The following MLLT10 variants were observed in gnomAD, a reference collection of about 807,000 sequenced individuals.
MLLT10 encodes MLLT10 histone lysine methyltransferase DOT1L cofactor, also known as protein AF-10.
MLLT10 carries 30 observed loss-of-function variants against 129.1 expected under a neutral mutation model. The observed-to-expected ratio is 0.23, with a 90% CI of 0.17 to 0.32. The LOEUF (loss-of-function observed/expected upper bound fraction) is 0.32. MLLT10 is among the 10% of genes least tolerant of loss of function. The pLI is 1.00. For missense variants in MLLT10, 1,119 were observed against 1,268.3 expected (o/e 0.88, Z 1.79); for synonymous variants, 490 against 446.4 (o/e 1.10, Z -1.23).
At chr10:21,726,681 CTTTTTTTTTTT>C (rs35036202) in intron 15 of MLLT10, among the ~76,000 whole-genome samples, 7 of 87,588 alleles carry the variant, frequency 8.0e-5, no homozygotes, top group South Asian at 5.0e-4. Flanking sequence ...TAGCAATGTC[CTTTTTTTTTTT>C]TTTTTTTTTT....
At chr10:21,718,825 G>GT (rs1258859750) in intron 14 of MLLT10, among the ~76,000 whole-genome samples, 1 of 152,192 alleles carries the variant, frequency 6.6e-6, no homozygotes, top group Non-Finnish European at 1.5e-5. Flanking sequence ...CCAGGTTCAA[G>GT]TGATTCTCCT....
At chr10:21,682,298 C>T in intron 13 of MLLT10, 41 bp downstream of exon 13, 1 of 1,570,990 alleles carries the variant, frequency 6.4e-7, no homozygotes, top group Non-Finnish European at 8.7e-7. Context: ...TCGTTTATCA[C>T]AAAGGTTGCC....
chr10:21,559,359 T>C (rs2038497525), intron 3 of MLLT10, among the ~76,000 whole-genome samples: 2 of 152,246 alleles, frequency 1.3e-5, no homozygotes. Flanking sequence ...ATTACAGGCA[T>C]GAGCCACTGC....
intron 3 of MLLT10, among the ~76,000 whole-genome samples, chr10:21,562,973 C>T (rs2039056120): frequency 1.3e-5 from 2 of 151,842 alleles, no homozygotes; most frequent in African/African-American, 4.8e-5. Flanking sequence ...GCATGTGCCA[C>T]CACACCTGGC....
At chr10:21,608,873 C>G (rs1186624460) in intron 5 of MLLT10, among the ~76,000 whole-genome samples, 1 of 152,142 alleles carries the variant, frequency 6.6e-6, no homozygotes, top group Non-Finnish European at 1.5e-5. Flanking sequence ...TGGGTACTCT[C>G]AAAGACAGTT....
chr10:21,631,487 C>T (rs888476561), intron 8 of MLLT10, among the ~76,000 whole-genome samples: 10 of 150,508 alleles, frequency 6.6e-5, no homozygotes, highest in Non-Finnish European at 1.0e-4. Flanking sequence ...CTGTATTAGT[C>T]CATTCTCACA....
chr10:21,596,719 AT>A (rs1409986902), intron 5 of MLLT10, among the ~76,000 whole-genome samples: 3 of 151,506 alleles, frequency 2.0e-5, no homozygotes, highest in African/African-American at 7.3e-5. Context: ...TTTGAAGATT[AT>A]TCATGTATGT....
intron 3 of MLLT10, 30 bp downstream of exon 3, chr10:21,538,942 T>G: frequency 6.5e-7 from 1 of 1,527,692 alleles, no homozygotes; most frequent in Non-Finnish European, 9.1e-7. Context: ...AACATTAAAC[T>G]TTAGTGAGTA....
At chr10:21,624,797 A>T in intron 8 of MLLT10, 2 of 1,080,084 alleles carry the variant, frequency 1.9e-6, no homozygotes, top group Non-Finnish European at 2.8e-6. Context: ...TTGTCCCCTG[A>T]TTGCCCTGAG....
chr10:21,733,163 A>G (rs911479981), intron 18 of MLLT10, 76 bp downstream of exon 18: 2 of 1,377,028 alleles, frequency 1.5e-6, no homozygotes, highest in South Asian at 1.5e-5. Flanking sequence ...GTGAGTAATA[A>G]TTGGTCACCA....
At chr10:21,732,477 C>T (rs2058050880) in intron 17 of MLLT10, among the ~76,000 whole-genome samples, 2 of 152,136 alleles carry the variant, frequency 1.3e-5, no homozygotes, top group Non-Finnish European at 2.9e-5. Flanking sequence ...AACATGTGCT[C>T]ATTATTTTGG....
chr10:21,718,269 T>C (rs949182473), intron 14 of MLLT10, among the ~76,000 whole-genome samples: 4 of 152,226 alleles, frequency 2.6e-5, no homozygotes, highest in Admixed American at 1.3e-4. Flanking sequence ...ACTAGTATAT[T>C]AGTAATAGAG....
At chr10:21,595,957 T>C (rs1303410463) in intron 5 of MLLT10, among the ~76,000 whole-genome samples, 4 of 152,076 alleles carry the variant, frequency 2.6e-5, no homozygotes, top group Non-Finnish European at 5.9e-5. Flanking sequence ...TTAGTACATA[T>C]ATATTATTGT....
At chr10:21,685,514 T>C (rs903121824) in intron 13 of MLLT10, among the ~76,000 whole-genome samples, 3 of 152,132 alleles carry the variant, frequency 2.0e-5, no homozygotes, top group African/African-American at 7.2e-5. Context: ...TTTGTATTTT[T>C]AGTAGAGACA....
intron 9 of MLLT10, among the ~76,000 whole-genome samples, chr10:21,659,789 G>T (rs995914579): frequency 1.3e-5 from 2 of 152,052 alleles, no homozygotes; most frequent in Non-Finnish European, 2.9e-5. Flanking sequence ...GGGATTACAG[G>T]TGAGCCACAA....
At chr10:21,739,042 A>C (rs1243660063) in intron 21 of MLLT10, among the ~76,000 whole-genome samples, 1 of 152,328 alleles carries the variant, frequency 6.6e-6, no homozygotes, top group East Asian at 1.9e-4. Flanking sequence ...ATCTTCCTGC[A>C]CAACCCCGCC....
intron 3 of MLLT10, chr10:21,557,507 T>C (rs1255267781): frequency 1.3e-5 from 2 of 154,166 alleles, no homozygotes; most frequent in Non-Finnish European, 2.9e-5. Context: ...TTACATCAGC[T>C]ATATTAATAT....
intron 8 of MLLT10, among the ~76,000 whole-genome samples, chr10:21,629,243 G>T (rs1239621146): frequency 6.6e-6 from 1 of 151,826 alleles, no homozygotes; most frequent in Non-Finnish European, 1.5e-5. Context: ...AAGTCACACG[G>T]TATCATTTTC....
intron 5 of MLLT10, among the ~76,000 whole-genome samples, chr10:21,609,565 C>G (rs753295798): frequency 1.3e-5 from 2 of 152,140 alleles, no homozygotes; most frequent in African/African-American, 4.8e-5. Context: ...AGTTCATGTG[C>G]ACAACATTCT....
Sources: gnomAD v4.1 joint callset for allele counts (sites outside exome capture counted in the v4.1 genomes callset) on GRCh38, gnomAD v4.1.1 for gene constraint, MANE v1.5 for transcripts, NCBI Gene and HGNC (gene_info 2026-07-23, HGNC 2026-07-21) for gene names.